Variants in KRT6B observed in about 807,000 individuals in gnomAD.
KRT6B encodes the protein keratin, type II cytoskeletal 6B.
In KRT6B, 29 loss-of-function variants were observed where a neutral mutation model predicts 44.7. That is an observed-to-expected ratio of 0.65 (90% CI 0.48 to 0.88). The LOEUF (loss-of-function observed/expected upper bound fraction) is 0.88. Ranked by LOEUF, KRT6B falls within the 40% of genes least tolerant of loss-of-function variation. The pLI is 0.00. For missense variants in KRT6B, 600 were observed against 724.0 expected (o/e 0.83, Z 1.97); for synonymous variants, 213 against 296.0 (o/e 0.72, Z 2.88).
At chr12:52,449,689 C>A (rs997805328) in intron 4 of KRT6B, 56 bp from the exon 5 acceptor site, 2 of 1,614,076 alleles carry the variant, frequency 1.2e-6, no homozygotes, top group African/African-American at 2.7e-5. Context: ...CAGAGATGCC[C>A]AGCCCTGTAC....
chr12:52,447,516 G>A (rs745783624), intron 8 of KRT6B, 23 bp downstream of exon 8: 2 of 1,614,092 alleles, frequency 1.2e-6, no homozygotes, highest in Admixed American at 1.7e-5. Flanking sequence ...GGGCAGGGGA[G>A]GAAGGCAAAC....
rs977412515 is a variant in KRT6B at position 52,449,790 on chromosome 12, C to T, written c.880G>A (p.Glu294Lys). 4.3e-6 allele frequency: 7 copies of T among 1,613,896 alleles called. No homozygotes were observed. In the African/African-American group the frequency reaches 5.3e-5, roughly 12 times the overall value. ...LQAKADTLTDEINFLRALYDA... is the reference protein window; with the variant it reads ...LQAKADTLTDKINFLRALYDA... ...TACAAGGCTCTCAGGAAGTTGATCT[C>T]ATCTGTAAGAGTGTCTGCCTTGGCT... The change falls in exon 4 of 9, where the codon GAG becomes AAG. Residue 294 changes from glutamate (E) to lysine (K), a missense_variant. Glu to Lys is a moderately conservative substitution (Grantham distance 56). Coordinates refer to ENST00000252252, the MANE Select transcript of KRT6B (RefSeq NM_005555.4).
At chr12:52,451,441 C>A in intron 1 of KRT6B, 98 bp downstream of exon 1, 1 of 1,610,644 alleles carries the variant, frequency 6.2e-7, no homozygotes, top group Non-Finnish European at 8.5e-7. Flanking sequence ...GGCTGAGTCC[C>A]CTTCTCCCTC....
At chr12:52,450,754 A>C in intron 1 of KRT6B, 134 bp from the exon 2 acceptor site, 2 of 1,396,006 alleles carry the variant, frequency 1.4e-6, no homozygotes. Flanking sequence ...GCTCAGGCTG[A>C]GCTCTGCTCC....
At position 52,449,468 on chromosome 12, in the gene KRT6B, C is replaced by A; in HGVS notation, c.1077+1G>T. On this transcript the variant is annotated splice_donor_variant, in intron 5 of 8. Transcript: ENST00000252252. LOFTEE classifies it high-confidence loss of function. ...TCAGCGGCTGTCCACTCCGTGCTCA[C>A]CTTTGTCTGGTACCAGGACTCAGCC... The A allele has an allele frequency of 6.2e-7, 1 of 1,614,178 alleles. No homozygotes were observed. The highest frequency in any genetic ancestry group is 1.1e-5 in the South Asian group (1 of 91,082).
rs1469770071 is a variant in KRT6B, at chr12:52,447,833, C to G, written c.1369G>C (p.Ala457Pro). The G allele has an allele frequency of 6.2e-7, 1 of 1,614,174 alleles. No homozygotes were observed. Among genetic ancestry groups the G allele is most frequent in the Non-Finnish European group, 8.5e-7 (1 of 1,180,034 alleles). Residue 457 changes from alanine (A) to proline (P), a missense_variant, in exon 7 of 9, where the codon GCC (alanine) becomes CCC (proline). Transcript: ENST00000252252. The part of the protein sequence containing the change: ...EYQELMNVKL[A>P]LDVEIATYRK... The stretch of plus-strand genomic sequence containing the variant: ...TAGGTGGCGATCTCCACATCCAGGG[C>G]CAGCTTGACGTTCATCAGCTCCTGG...
chr12:52,450,707 C>T (rs1314015038), intron 1 of KRT6B, 87 bp from the exon 2 acceptor site: 6 of 1,591,328 alleles, frequency 3.8e-6, no homozygotes, highest in East Asian at 2.2e-5. Context: ...TCTGGGAGGT[C>T]CCCATGGTGC....
Position 52,447,205 on chromosome 12 carries a change from C to A in KRT6B, c.1680G>T (p.Lys560Asn), listed in dbSNP as rs1401185494. Residue 560 changes from lysine to asparagine, a missense_variant, in exon 9 of 9, where the codon AAG (lysine) becomes AAT (asparagine). Lys to Asn is a moderately conservative substitution (Grantham distance 94). Around this residue, in one of 4 missense-constraint regions of KRT6B, gnomAD observed 479 missense variants for 454.2 expected, o/e 1.05. Coordinates refer to ENST00000252252, the MANE Select transcript of KRT6B (RefSeq NM_005555.4). The stretch of plus-strand genomic sequence containing the variant: ...CGGCAGCACTTCAGTGCTTGTAGCT[C>A]TTCCTGCTGGAGGAGGAGGTGGTGG... ...KYTTTSSSSR[K>N]SYKH 6.2e-7 allele frequency: 1 copy of A among 1,614,126 alleles called. No individual in the cohort carries two copies. The highest frequency in any genetic ancestry group is 1.3e-5 in the African/African-American group (1 of 75,038).
chr12:52,449,502 G>A lies in KRT6B; in HGVS notation c.1044C>T (p.Ser348=). The part of the protein sequence containing the change: ...KAQYEEIAQR[S]RAEAESWYQT... ...GGTACCAGGACTCAGCCTCAGCCCT[G>A]CTCCTCTGAGCAATCTCCTCATATT... Residue 348 remains serine (S), a synonymous_variant, in exon 5 of 9, where the codon AGC becomes AGT. Coordinates refer to ENST00000252252, the MANE Select transcript of KRT6B (RefSeq NM_005555.4). The A allele has an allele frequency of 6.2e-7, 1 of 1,614,184 alleles. No individual in the cohort carries two copies. The highest frequency in any genetic ancestry group is 8.5e-7 in the Non-Finnish European group (1 of 1,180,034).
Position 52,447,252 on chromosome 12 carries a change from C to T in KRT6B, c.1633G>A (p.Gly545Ser), listed in dbSNP as rs146988096. ...TGGGLSSVGG[G>S]SSTIKYTTTS... is the part of the protein sequence containing the mutation. ...GTGGTGTACTTGATGGTGGAACTGC[C>T]GCCTCCAACAGAGCTGAGGCCACCC... The change falls in exon 9 of 9, where the codon GGC becomes AGC. Residue 545 changes from glycine (G) to serine (S), a missense_variant. Gly to Ser is a moderately conservative substitution (Grantham distance 56). This residue lies in a region of KRT6B where 479 missense variants were observed against 454.2 expected (regional missense o/e 1.05). Coordinates refer to ENST00000252252, the MANE Select transcript of KRT6B (RefSeq NM_005555.4). 23 of 1,613,912 alleles carry T rather than the reference C, an allele frequency of 1.4e-5. No homozygotes were observed. In the African/African-American group the frequency reaches 2.0e-4, roughly 14 times the overall value.
chr12:52,449,909 A>G (rs1940370961), intron 3 of KRT6B, 56 bp from the exon 4 acceptor site: 2 of 1,613,676 alleles, frequency 1.2e-6, no homozygotes, highest in African/African-American at 1.3e-5. Flanking sequence ...CAATCTACCC[A>G]TCTTCTAGTC....
In KRT6B at chr12:52,449,851, A is replaced by T. The variant is rs150034493; in HGVS notation, c.819T>A (p.Asp273Glu). The T allele has an allele frequency of 6.2e-7, 1 of 1,613,786 alleles. No individual in the cohort carries two copies. The highest frequency in any genetic ancestry group is 1.3e-5 in the African/African-American group (1 of 74,868). Residue 273 changes from aspartate (D) to glutamate (E), a missense_variant and splice_region_variant, in exon 4 of 9, where the codon GAT (aspartate) becomes GAA (glutamate). By Grantham distance (45) the Asp-to-Glu change is conservative. Coordinates refer to ENST00000252252, the MANE Select transcript of KRT6B (RefSeq NM_005555.4). ...AENEFVTLKK[D>E]VDAAYMNKVE... ...CCTTGTTCATGTAGGCAGCATCCAC[A>T]TCCTGGGGAAAGAGCCAACAACCTG...
In KRT6B at chr12:52,450,389, G is replaced by A. The variant is rs1940381263; in HGVS notation, c.755+17C>T. 6.3e-7 allele frequency: 1 copy of A among 1,597,002 alleles called. No homozygotes were observed. The highest frequency in any genetic ancestry group is 8.5e-7 in the Non-Finnish European group (1 of 1,178,978). On this transcript the variant is annotated intron_variant, in intron 2 of 8. Coordinates refer to ENST00000252252, the MANE Select transcript of KRT6B (RefSeq NM_005555.4). ...CAATAGTCTTGAAGTGTGTGCTGCA[G>A]GAAATGGAGTCCTCACTTGTTCTTG...
Position 52,452,142 on chromosome 12 carries a change from A to T in KRT6B, c.-64T>A, listed in dbSNP as rs114927143. 11 of 1,611,226 alleles carry T rather than the reference A, an allele frequency of 6.8e-6. No homozygotes were observed. In the East Asian group the frequency reaches 1.3e-4, roughly 20 times the overall value. On this transcript the variant is annotated 5_prime_UTR_variant, in exon 1 of 9. Transcript: ENST00000252252. ...GCTGGAGGCGAGAGGGAGGAGAAGC[A>T]GGACGAGGAATCGGACTCCAGTAGC...
Position 52,447,059 on chromosome 12 carries a change from G to A in KRT6B, c.*131C>T. ...AACAGGTATTGATGAGAAGAAAAGT[G>A]AGGGCATCCCAGCTCTACCCGGGAG... On this transcript the variant is annotated 3_prime_UTR_variant, in exon 9 of 9. Transcript: ENST00000252252. 8.8e-7 allele frequency: 1 copy of A among 1,141,162 alleles called. No homozygotes were observed. Among genetic ancestry groups the A allele is most frequent in the South Asian group, 1.5e-5 (1 of 65,416 alleles). 70.7% of individuals were successfully genotyped at this position (1,141,162 alleles called of 1,614,324 possible).
rs759394434 is a variant in KRT6B at position 52,447,441 on chromosome 12, G to A, written c.1460-16C>T. 2 of 1,614,036 alleles carry A rather than the reference G, an allele frequency of 1.2e-6. No individual in the cohort carries two copies. The highest frequency in any genetic ancestry group is 1.7e-5 in the Admixed American group (1 of 60,016). On this transcript the variant is annotated splice_polypyrimidine_tract_variant and intron_variant, in intron 8 of 8. Transcript: ENST00000252252. ...TGCACTACAGCTGTGGTGGGGAGGG[G>A]ACAAGGACACAAGAAGCCACAATGA... is the stretch of plus-strand genomic sequence containing the variant.
At chr12:52,449,697 T>C in intron 4 of KRT6B, 61 bp downstream of exon 4, 9 of 1,614,212 alleles carry the variant, frequency 5.6e-6, no homozygotes, top group Non-Finnish European at 7.6e-6. Context: ...CCCAGCCCTG[T>C]ACATCTTCTC....
At position 52,447,778 on chromosome 12, in the gene KRT6B, C is replaced by T. The variant is rs1460278209; in HGVS notation, c.1424G>A (p.Arg475Lys). ...GGAGGAAGTCGCGTCAGTTACCCAC[C>T]TGCACTCCTCGCCCTCCAGCAGCTT... ...YRKLLEGEEC[R>K]LNGEGVGQVN... The change falls in exon 7 of 9, where the codon AGG becomes AAG. Residue 475 changes from arginine to lysine, a missense_variant and splice_region_variant. Transcript: ENST00000252252. 12 of 1,614,098 alleles carry T rather than the reference C, an allele frequency of 7.4e-6. No homozygotes were observed. Among genetic ancestry groups the T allele is most frequent in the Admixed American group, 1.7e-5 (1 of 60,010 alleles).
chr12:52,448,101 C>T (rs1592169432), intron 6 of KRT6B, 103 bp from the exon 7 acceptor site: 7 of 1,455,344 alleles, frequency 4.8e-6, no homozygotes, highest in Admixed American at 3.7e-5. Flanking sequence ...GAACCCAGAA[C>T]TGATGGTAAA....
Sources: gnomAD v4.1 joint callset for allele counts on GRCh38, gnomAD v4.1.1 for gene constraint, gnomAD v4.1.1 regional missense constraint, MANE v1.5 for transcripts, NCBI Gene and HGNC (gene_info 2026-07-23, HGNC 2026-07-21) for gene names.